The following TENM1 variants were observed in gnomAD, a reference collection of about 807,000 sequenced individuals.
The protein encoded by TENM1 is teneurin transmembrane protein 1, also known as teneurin-1.
TENM1 carries 35 observed loss-of-function variants against 174.8 expected under a neutral mutation model. The ratio of observed to expected loss-of-function variants is 0.20; its 90% CI spans 0.15 to 0.27. The LOEUF is 0.27. Among genes scored for constraint, TENM1 ranks in the 10% least tolerant of loss-of-function variants. The pLI is 1.00. For synonymous variants in TENM1, 781 were observed against 798.7 expected (o/e 0.98, Z 0.37); for missense variants, 1,633 against 2,130.1 (o/e 0.77, Z 4.59).
At chrX:125,158,855 G>A in the TENM1 span, among the ~76,000 whole-genome samples, 1 of 110,880 alleles carries the variant, frequency 9.0e-6, no homozygotes, top group Non-Finnish European at 1.9e-5. Flanking sequence ...AGAATTTTAA[G>A]ATACCTGAAA....
chrX:124,998,191 T>A, the TENM1 span, among the ~76,000 whole-genome samples: 2 of 110,179 alleles, frequency 1.8e-5, no homozygotes, highest in South Asian at 7.7e-4. Flanking sequence ...TGTTGTTATT[T>A]ATTAATGAAA....
chrX:125,039,825 C>CTTTTTTTTT, the TENM1 span, among the ~76,000 whole-genome samples: 1 of 111,345 alleles, frequency 9.0e-6, no homozygotes, highest in African/African-American at 3.3e-5. Flanking sequence ...TGAGCCTTTT[C>CTTTTTTTTT]TTATTAACCT....
At chrX:124,807,504 A>T (rs1300538986) in intron 3 of TENM1, among the ~76,000 whole-genome samples, 1 of 112,180 alleles carries the variant, frequency 8.9e-6, no homozygotes, top group African/African-American at 3.2e-5. Flanking sequence ...TATAAAACAC[A>T]CTGGTAAAAG....
intron 8 of TENM1, 88 bp downstream of exon 11, chrX:124,651,826 C>T: frequency 9.0e-7 from 1 of 1,115,908 alleles, no homozygotes; most frequent in East Asian, 3.1e-5. Flanking sequence ...GAGCAATAAG[C>T]TTAAATAACC....
chrX:125,159,895 G>T, the TENM1 span, among the ~76,000 whole-genome samples: 2 of 111,769 alleles, frequency 1.8e-5, no homozygotes, highest in Non-Finnish European at 3.8e-5. Context: ...GTAGGAAACA[G>T]TTCAGTCAAA....
At chrX:125,048,243 ATTTTTTTTT>A in the TENM1 span, among the ~76,000 whole-genome samples, 1 of 64,219 alleles carries the variant, frequency 1.6e-5, no homozygotes, top group African/African-American at 6.8e-5. Flanking sequence ...GTTTCGAAGC[ATTTTTTTTT>A]TTTTTTTTTT....
chrX:124,720,724 A>T (rs2053291063), intron 4 of TENM1, among the ~76,000 whole-genome samples: 1 of 112,402 alleles, frequency 8.9e-6, no homozygotes, highest in African/African-American at 3.2e-5. Context: ...CTATTGCGTA[A>T]CAGGAAAAAT....
At chrX:125,083,002 C>T in the TENM1 span, among the ~76,000 whole-genome samples, 3 of 110,746 alleles carry the variant, frequency 2.7e-5, no homozygotes, top group Admixed American at 1.9e-4. Context: ...TATTACTTTC[C>T]GATTACAATG....
At chrX:124,429,042 G>A (rs181669621) in intron 23 of TENM1, among the ~76,000 whole-genome samples, 275 of 111,712 alleles carry the variant, frequency 2.5e-3, no homozygotes, top group African/African-American at 8.4e-3. Flanking sequence ...TGGGTGTCAG[G>A]TACTTCATAT....
chrX:124,943,175 G>T (rs2058355459), intron 1 of TENM1, among the ~76,000 whole-genome samples: 1 of 111,436 alleles, frequency 9.0e-6, no homozygotes, highest in Admixed American at 9.6e-5. Flanking sequence ...TTCAGTGAGT[G>T]AAAGAAGCAA....
intron 11 of TENM1, among the ~76,000 whole-genome samples, chrX:124,610,340 C>T (rs1293607500): frequency 8.9e-6 from 1 of 111,995 alleles, no homozygotes; most frequent in Non-Finnish European, 1.9e-5. Flanking sequence ...AGTAGATGTT[C>T]AGTCTTTACC....
chrX:124,765,315 C>T (rs1375029198), intron 3 of TENM1, among the ~76,000 whole-genome samples: 1 of 111,996 alleles, frequency 8.9e-6, no homozygotes, highest in East Asian at 2.8e-4. Flanking sequence ...GTCTCTGCTT[C>T]GTGCAATCGT....
chrX:124,745,199 T>C (rs942233858), intron 3 of TENM1, among the ~76,000 whole-genome samples: 3 of 111,515 alleles, frequency 2.7e-5, no homozygotes, highest in African/African-American at 6.5e-5. Flanking sequence ...CTGTACTCCA[T>C]AGTTCCTCTC....
chrX:124,574,575 TGAAAGG>T (rs1389128810), intron 11 of TENM1, among the ~76,000 whole-genome samples: 2 of 111,007 alleles, frequency 1.8e-5, no homozygotes, highest in Non-Finnish European at 3.8e-5. Flanking sequence ...TAAATTAGGC[TGAAAGG>T]GAAAGCACAG....
intron 3 of TENM1, among the ~76,000 whole-genome samples, chrX:124,757,199 A>G (rs1372150193): frequency 8.9e-6 from 1 of 112,408 alleles, no homozygotes; most frequent in African/African-American, 3.2e-5. Context: ...GGGCAATGGC[A>G]GGCGCCCCTC....
the TENM1 span, among the ~76,000 whole-genome samples, chrX:125,054,785 G>A: frequency 9.0e-6 from 1 of 111,532 alleles, no homozygotes; most frequent in Non-Finnish European, 1.9e-5. Flanking sequence ...ACGGAGACAT[G>A]TGGAGGAGGC....
At chrX:124,838,931 G>A (rs1430691488) in intron 3 of TENM1, among the ~76,000 whole-genome samples, 3 of 110,916 alleles carry the variant, frequency 2.7e-5, no homozygotes, top group Non-Finnish European at 5.7e-5. Flanking sequence ...GATAAAAACC[G>A]AATTCCACTT....
At chrX:124,787,909 C>T (rs1252685165) in intron 3 of TENM1, among the ~76,000 whole-genome samples, 5 of 111,756 alleles carry the variant, frequency 4.5e-5, no homozygotes, top group East Asian at 2.8e-4. Context: ...CAAAAGAAAG[C>T]GGCTTATTGG....
chrX:124,383,357 A>G (rs1234593720), intron 30 of TENM1, among the ~76,000 whole-genome samples: 1 of 112,213 alleles, frequency 8.9e-6, no homozygotes, highest in Non-Finnish European at 1.9e-5. Flanking sequence ...TGATGAAACA[A>G]GAATCCTGAA....
Sources: allele counts gnomAD v4.1 joint callset (sites outside exome capture counted in the v4.1 genomes callset), GRCh38; gene constraint gnomAD v4.1.1; transcripts MANE v1.5; gene names NCBI Gene and HGNC (gene_info 2026-07-23, HGNC 2026-07-21).